NRXN1: variants seen among roughly 807,000 people sequenced by gnomAD.
The protein encoded by NRXN1 is neurexin-1.
NRXN1 carries 39 observed loss-of-function variants against 150.9 expected under a neutral mutation model. That is an observed-to-expected ratio of 0.26 (90% CI 0.20 to 0.34). NRXN1 has a LOEUF of 0.34. NRXN1 is among the 10% of genes least tolerant of loss of function. NRXN1 has a pLI of 1.00. For missense variants in NRXN1, 1,815 were observed against 1,949.9 expected (o/e 0.93, Z 1.30); for synonymous variants, 924 against 757.0 (o/e 1.22, Z -3.62).
rs2065349959 is a variant in NRXN1 at position 50,235,709 on chromosome 2, A to T, written c.3546+1080T>A. 5.3e-5 allele frequency among the ~76,000 whole-genome samples: 8 copies of T among 152,194 alleles called. No homozygotes were observed. In the South Asian group the frequency reaches 1.7e-3, roughly 32 times the overall value. ...ATCAAATGTCCTTTGGAGAGTGAGCACTGATAGAAGGAGAACTTATAGGGA... is the reference window on the plus strand; with the variant it reads ...ATCAAATGTCCTTTGGAGAGTGAGCTCTGATAGAAGGAGAACTTATAGGGA... On this transcript the variant is annotated intron_variant, in intron 18 of 22. Transcript: ENST00000401669.
At chr2:49,954,221 G>GT (rs1377447806) in intron 21 of NRXN1, among the ~76,000 whole-genome samples, 1 of 152,000 alleles carries the variant, frequency 6.6e-6, no homozygotes, top group Non-Finnish European at 1.5e-5. Context: ...CACAGATGCT[G>GT]TTCTTGGGCT....
At chr2:50,805,214 TG>T (rs1667354936) in intron 5 of NRXN1, among the ~76,000 whole-genome samples, 1 of 151,832 alleles carries the variant, frequency 6.6e-6, no homozygotes, top group Admixed American at 6.6e-5. Flanking sequence ...CAAATTACCA[TG>T]AAAAAGTAAA....
At chr2:50,632,464 G>A (rs1047541068) in intron 5 of NRXN1, 8 of 151,894 alleles carry the variant, frequency 5.3e-5, no homozygotes, top group South Asian at 4.1e-4. Context: ...CCTCCTTCTC[G>A]AACTGTGGTT....
In NRXN1 at chr2:50,112,930, G is replaced by A. The variant is rs182080179; in HGVS notation, c.3547-21436C>T. On this transcript the variant is annotated intron_variant, in intron 18 of 22. Coordinates refer to ENST00000401669, the MANE Select transcript of NRXN1 (RefSeq NM_001330078.2). ...AAAATGACAAACTCTTTGCTTTTTG[G>A]AACACAAGACATCTGGTGCCTATGC... is the stretch of plus-strand genomic sequence containing the variant. Among the ~76,000 whole-genome samples, 100 of 151,926 alleles carry A rather than the reference G, an allele frequency of 6.6e-4. 1 individual carries two copies. Among genetic ancestry groups the A allele is most frequent in the African/African-American group, 2.4e-3 (99 of 41,448 alleles).
intron 5 of NRXN1, among the ~76,000 whole-genome samples, chr2:50,782,389 G>C (rs1292772460): frequency 2.0e-5 from 3 of 152,056 alleles, no homozygotes; most frequent in East Asian, 1.9e-4. Context: ...AGAATCACTT[G>C]AACCTGGGAA....
At chr2:50,550,227 GTGTTGTTT>G (rs949197861) in intron 9 of NRXN1, among the ~76,000 whole-genome samples, 7 of 151,742 alleles carry the variant, frequency 4.6e-5, no homozygotes, top group Non-Finnish European at 1.0e-4. Flanking sequence ...GGGTTGTTTT[GTGTTGTTT>G]TGTTGTTTTG....
chr2:50,340,133 A>G (rs867143515), intron 17 of NRXN1, among the ~76,000 whole-genome samples: 2 of 152,204 alleles, frequency 1.3e-5, no homozygotes, highest in Admixed American at 6.5e-5. Flanking sequence ...AATGATGATC[A>G]TAAGCCCTGC....
chr2:50,253,033 C>G (rs1367358836), intron 17 of NRXN1, among the ~76,000 whole-genome samples: 5 of 152,126 alleles, frequency 3.3e-5, no homozygotes, highest in African/African-American at 1.2e-4. Context: ...TTGATTCTTC[C>G]TATCCATGAG....
chr2:50,105,753 G>C (rs111804541), intron 18 of NRXN1, among the ~76,000 whole-genome samples: 1 of 151,828 alleles, frequency 6.6e-6, no homozygotes, highest in Non-Finnish European at 1.5e-5. Flanking sequence ...AGCAGCTCAG[G>C]TGTTCCATGT....
intron 8 of NRXN1, among the ~76,000 whole-genome samples, chr2:50,558,657 T>C (rs192159196): frequency 6.6e-6 from 1 of 152,338 alleles, no homozygotes; most frequent in East Asian, 1.9e-4. Context: ...TAACAAACGT[T>C]ATCTTAAAAA....
intron 18 of NRXN1, among the ~76,000 whole-genome samples, chr2:50,182,190 G>A (rs1001779554): frequency 2.0e-5 from 3 of 147,926 alleles, no homozygotes; most frequent in African/African-American, 5.0e-5. Context: ...AGCCACTATC[G>A]GTTTGGCACA....
At chr2:50,572,395 C>T (rs1670794540) in intron 8 of NRXN1, among the ~76,000 whole-genome samples, 1 of 152,230 alleles carries the variant, frequency 6.6e-6, no homozygotes, top group Admixed American at 6.5e-5. Context: ...TCTGATCTAG[C>T]TCCTTCTGTT....
At chr2:50,414,362 A>AG (rs2083391903) in intron 17 of NRXN1, among the ~76,000 whole-genome samples, 1 of 93,124 alleles carries the variant, frequency 1.1e-5, no homozygotes, top group African/African-American at 6.4e-5. Context: ...ATATACTGAC[A>AG]AAAAAATTAT....
intron 17 of NRXN1, among the ~76,000 whole-genome samples, chr2:50,333,629 C>T (rs2076972212): frequency 6.6e-6 from 1 of 151,836 alleles, no homozygotes; most frequent in Non-Finnish European, 1.5e-5. Context: ...TGCGAGTCCT[C>T]CCGAAGGTGT....
intron 12 of NRXN1, among the ~76,000 whole-genome samples, chr2:50,524,710 C>T (rs2092898066): frequency 6.6e-6 from 1 of 151,884 alleles, no homozygotes; most frequent in Non-Finnish European, 1.5e-5. Flanking sequence ...TAGGACTTAC[C>T]TATAGTTGAT....
In NRXN1 at chr2:50,073,416, C is replaced by T. The variant is rs148632137; in HGVS notation, c.3718+17907G>A. Among the ~76,000 whole-genome samples, 816 of 152,278 alleles carry T rather than the reference C, an allele frequency of 5.4e-3. 7 individuals are homozygous for T. Among genetic ancestry groups the T allele is most frequent in the South Asian group, 0.043 (206 of 4,822 alleles). ...ATTACCTCTCCTCAGTCTCTTCTGT[C>T]TTCCACTATCCTTTGTTCTAACATG... On this transcript the variant is annotated intron_variant, in intron 19 of 22. Coordinates refer to ENST00000401669, the MANE Select transcript of NRXN1 (RefSeq NM_001330078.2).
At chr2:50,531,475 G>T (rs111940222) in intron 10 of NRXN1, 45 bp from the exon 11 acceptor site, 6 of 1,404,824 alleles carry the variant, frequency 4.3e-6, no homozygotes, top group African/African-American at 2.8e-5. Context: ...ATGGTATAGC[G>T]CATTAATACT....
chr2:50,702,790 A>G (rs762203342), intron 5 of NRXN1, among the ~76,000 whole-genome samples: 88 of 152,268 alleles, frequency 5.8e-4, no homozygotes, highest in Non-Finnish European at 9.0e-4. Flanking sequence ...TTATTGCAAC[A>G]TATAATGTAA....
chr2:50,290,142 T>C (rs1485440085), intron 17 of NRXN1, among the ~76,000 whole-genome samples: 1 of 152,128 alleles, frequency 6.6e-6, no homozygotes, highest in East Asian at 1.9e-4. Context: ...AAAGTTCACA[T>C]TTAAAACCAA....
Sources: gnomAD v4.1 joint callset for allele counts (sites outside exome capture counted in the v4.1 genomes callset) on GRCh38, gnomAD v4.1.1 for gene constraint, MANE v1.5 for transcripts, NCBI Gene and HGNC (gene_info 2026-07-23, HGNC 2026-07-21) for gene names.